The following KLHL10 variants were observed in gnomAD, a reference collection of about 807,000 sequenced individuals.
The protein encoded by KLHL10 is kelch-like protein 10.
A neutral mutation model predicts 46.6 loss-of-function variants in KLHL10; 11 were observed. The observed-to-expected ratio is 0.24, with a 90% CI of 0.15 to 0.39. The LOEUF (loss-of-function observed/expected upper bound fraction) is 0.39, where lower values mean the gene tolerates loss of function less well. KLHL10 is among the 10% of genes least tolerant of loss of function. KLHL10 has a pLI of 1.00. For synonymous variants in KLHL10, 254 were observed against 279.1 expected, an observed-to-expected ratio of 0.91 and a Z score of 0.90; for missense variants, 475 against 789.8, an observed-to-expected ratio of 0.60 and a Z score of 4.78.
upstream of KLHL10, chr17:41,837,577 G>A (rs1354380566): frequency 5.4e-6 from 6 of 1,105,058 alleles, no homozygotes; most frequent in Non-Finnish European, 6.7e-6. Flanking sequence ...CAGGGATAGA[G>A]ACCTGTATCA....
upstream of KLHL10, chr17:41,835,992 C>A (rs1597928258): frequency 5.2e-6 from 8 of 1,529,152 alleles, no homozygotes; most frequent in East Asian, 2.5e-5. Context: ...CTGACCCCTG[C>A]GCCACGCTGG....
chr17:41,846,264 T>C (rs1555621410), intron 3 of KLHL10, among the ~76,000 whole-genome samples: 2 of 150,508 alleles, frequency 1.3e-5, no homozygotes, highest in Admixed American at 6.6e-5. Flanking sequence ...GACTCACGCC[T>C]GTAATCCCAG....
chr17:41,838,276 T>C, intron 1 of KLHL10, 150 bp downstream of exon 1: 1 of 680,050 alleles, frequency 1.5e-6, no homozygotes, highest in Non-Finnish European at 2.5e-6. Context: ...AAATTTTTTT[T>C]TTAGAGATAA....
Position 41,847,391 on chromosome 17 carries a change from A to C in KLHL10, c.1433A>C (p.Tyr478Ser). The change falls in exon 4 of 5, where the codon TAT (tyrosine) becomes TCT (serine). Residue 478 changes from tyrosine (Y) to serine (S), a missense_variant. Coordinates refer to ENST00000293303, the MANE Select transcript of KLHL10 (RefSeq NM_152467.5). The part of the protein sequence containing the change: ...SRRSGIGVIA[Y>S]GEHVYAVGGF... ...AGGAGTGGAATAGGCGTGATTGCTT[A>C]TGGAGAACATGTATATGCGGTAAGT... The C allele has an allele frequency of 1.9e-6, 3 of 1,614,130 alleles. No homozygotes were observed. The highest frequency in any genetic ancestry group is 2.5e-6 in the Non-Finnish European group (3 of 1,179,994).
upstream of KLHL10, chr17:41,836,051 C>T: frequency 7.1e-7 from 1 of 1,408,480 alleles, no homozygotes. Context: ...GAGGCGGGGC[C>T]GGGGTGCGCG....
At chr17:41,836,718 C>T (rs1555620129), upstream of KLHL10, among the ~76,000 whole-genome samples, 1 of 152,060 alleles carries the variant, frequency 6.6e-6, no homozygotes, top group Non-Finnish European at 1.5e-5. Context: ...CCCAGCTACT[C>T]GGGAGGCTGA....
chr17:41,842,034 C>T lies in KLHL10; in HGVS notation c.406C>T (p.Leu136=), dbSNP rs1425037114. 3 of 1,614,022 alleles carry T rather than the reference C, an allele frequency of 1.9e-6. No homozygotes were observed. Among genetic ancestry groups the T allele is most frequent in the Non-Finnish European group, 2.5e-6 (3 of 1,180,042 alleles). Reference sequence around the variant, plus strand: ...TTGCTGCGAGTTCCTCAAGTCAGAGCTGTGCTTGGATAATTGTATCGGCAT... The same window carrying T: ...TTGCTGCGAGTTCCTCAAGTCAGAGTTGTGCTTGGATAATTGTATCGGCAT... ...RGCCEFLKSE[L]CLDNCIGICK... The change falls in exon 2 of 5, where the codon CTG becomes TTG. Residue 136 remains leucine, a synonymous_variant. Transcript: ENST00000293303.
At chr17:41,835,849 C>G (rs781864659), upstream of KLHL10, 6 of 1,604,676 alleles carry the variant, frequency 3.7e-6, no homozygotes, top group South Asian at 6.7e-5. Flanking sequence ...CCCGCACGCC[C>G]CAGAGGTACC....
At chr17:41,837,667 G>A, upstream of KLHL10, 1 of 1,167,324 alleles carries the variant, frequency 8.6e-7, no homozygotes, top group Non-Finnish European at 1.1e-6. Flanking sequence ...CAAGGACACA[G>A]AAGGAGGTGT....
chr17:41,838,582 G>C (rs1472780287), intron 1 of KLHL10, among the ~76,000 whole-genome samples: 2 of 149,956 alleles, frequency 1.3e-5, no homozygotes, highest in African/African-American at 2.5e-5. Flanking sequence ...CTCCTGCCTG[G>C]CTCCTTTGCC....
At position 41,848,213 on chromosome 17, in the gene KLHL10, T is replaced by C; in HGVS notation, c.1733T>C (p.Val578Ala). The C allele has an allele frequency of 6.2e-7, 1 of 1,614,092 alleles. No individual in the cohort carries two copies. Among genetic ancestry groups the C allele is most frequent in the South Asian group, 1.1e-5 (1 of 91,082 alleles). ...TGTGTAGTACCAGGGCTGGCCAATGTTGAGGAATATGCAGCTAGACGGGAC... is the reference window on the plus strand; with the variant it reads ...TGTGTAGTACCAGGGCTGGCCAATGCTGAGGAATATGCAGCTAGACGGGAC... ...SCCVVPGLAN[V>A]EEYAARRDNF... is the part of the protein sequence containing the mutation. The change falls in exon 5 of 5, where the codon GTT (valine) becomes GCT (alanine). Residue 578 changes from valine to alanine, a missense_variant. By Grantham distance (64) the Val-to-Ala change is moderately conservative. Coordinates refer to ENST00000293303, the MANE Select transcript of KLHL10 (RefSeq NM_152467.5).
intron 1 of KLHL10, among the ~76,000 whole-genome samples, chr17:41,841,214 C>T (rs2048222997): frequency 6.6e-6 from 1 of 151,998 alleles, no homozygotes; most frequent in Non-Finnish European, 1.5e-5. Context: ...GAAGTTTACC[C>T]CCTGGATGGG....
rs1555621560 is a variant in KLHL10 at position 41,847,362 on chromosome 17, CAGG to C, written c.1410_1412del (p.Arg470del). 19 of 1,613,954 alleles carry C rather than the reference CAGG, an allele frequency of 1.2e-5. No homozygotes were observed. Among genetic ancestry groups the C allele is most frequent in the Non-Finnish European group, 1.4e-5 (16 of 1,179,986 alleles). ...GGACAGTCATAGCACCCATGAGAAG[CAGG>C]AGGAGTGGAATAGGCGTGATTGCTT... is the stretch of plus-strand genomic sequence containing the variant. On this transcript the variant is annotated inframe_deletion, in exon 4 of 5. Transcript: ENST00000293303.
chr17:41,842,906 A>G (rs2144130323), intron 2 of KLHL10, among the ~76,000 whole-genome samples: 1 of 151,376 alleles, frequency 6.6e-6, no homozygotes, highest in South Asian at 2.1e-4. Flanking sequence ...CACTGCACTC[A>G]AGCCTGGGTG....
intron 1 of KLHL10, among the ~76,000 whole-genome samples, chr17:41,838,561 C>A (rs1407727659): frequency 1.3e-5 from 2 of 151,396 alleles, no homozygotes; most frequent in African/African-American, 4.9e-5. Flanking sequence ...CAACTCTGGT[C>A]CAGGCAGGAG....
intron 3 of KLHL10, among the ~76,000 whole-genome samples, chr17:41,846,573 CCA>C (rs2048288794): frequency 6.6e-6 from 1 of 151,448 alleles, no homozygotes; most frequent in African/African-American, 2.4e-5. Context: ...GTGGCAGAGC[CCA>C]GTGTCTTGTG....
At chr17:41,839,373 C>T (rs1017255225) in intron 1 of KLHL10, among the ~76,000 whole-genome samples, 1 of 152,200 alleles carries the variant, frequency 6.6e-6, no homozygotes, top group African/African-American at 2.4e-5. Flanking sequence ...CCAAACCAAC[C>T]TTTGGGAAGG....
chr17:41,847,471 T>C, intron 4 of KLHL10, 61 bp downstream of exon 4: 1 of 1,594,320 alleles, frequency 6.3e-7, no homozygotes, highest in Non-Finnish European at 8.6e-7. Flanking sequence ...TTTGTATTAG[T>C]AAATGGGTTT....
chr17:41,836,150 C>T, upstream of KLHL10: 1 of 1,307,552 alleles, frequency 7.6e-7, no homozygotes, highest in Non-Finnish European at 9.7e-7. Flanking sequence ...AGTCCGGGCC[C>T]GCCCCACTCC....
Sources: gnomAD v4.1 joint callset for allele counts (sites outside exome capture counted in the v4.1 genomes callset) on GRCh38, gnomAD v4.1.1 for gene constraint, MANE v1.5 for transcripts, NCBI Gene and HGNC (gene_info 2026-07-23, HGNC 2026-07-21) for gene names.